The following UHRF2 variants were observed in gnomAD, a reference collection of about 807,000 sequenced individuals.
The protein encoded by UHRF2 is ubiquitin like with PHD and ring finger domains 2.
In UHRF2, 23 loss-of-function variants were observed where a neutral mutation model predicts 96.8. The observed-to-expected ratio is 0.24, with a 90% CI of 0.17 to 0.34. The LOEUF (loss-of-function observed/expected upper bound fraction) is 0.34. Among genes scored for constraint, UHRF2 ranks in the 10% least tolerant of loss-of-function variants. UHRF2 has a pLI of 1.00. For synonymous variants in UHRF2, 385 were observed against 332.6 expected (o/e 1.16, Z -1.72); for missense variants, 685 against 981.5 (o/e 0.70, Z 4.04).
intron 9 of UHRF2, among the ~76,000 whole-genome samples, chr9:6,487,970 G>T (rs1824409769): frequency 2.6e-5 from 4 of 152,086 alleles, no homozygotes; most frequent in Admixed American, 1.3e-4. Context: ...GCCGAATCCA[G>T]TGGCTCATGC....
At chr9:6,497,037 G>T in intron 10 of UHRF2, 161 bp from the exon 11 acceptor site, 1 of 687,682 alleles carries the variant, frequency 1.5e-6, no homozygotes, top group Non-Finnish European at 2.3e-6. Flanking sequence ...CTTCTCTGCT[G>T]GTGGGGGAAA....
intron 3 of UHRF2, among the ~76,000 whole-genome samples, chr9:6,453,140 C>G (rs928173835): frequency 6.6e-6 from 1 of 152,242 alleles, no homozygotes; most frequent in East Asian, 1.9e-4. Flanking sequence ...TAATTCTCTC[C>G]TGAGTTTGTA....
chr9:6,494,197 C>G (rs1824835669), intron 10 of UHRF2: 1 of 330,826 alleles, frequency 3.0e-6, no homozygotes, highest in Admixed American at 4.7e-5. Context: ...GGAAAGGAGC[C>G]TGTGTAATTT....
chr9:6,504,069 A>C (rs1217276261), intron 14 of UHRF2, among the ~76,000 whole-genome samples: 1 of 125,308 alleles, frequency 8.0e-6, no homozygotes, highest in East Asian at 2.4e-4. Flanking sequence ...TCTGTCACCC[A>C]GGCTGGAGTG....
intron 9 of UHRF2, among the ~76,000 whole-genome samples, chr9:6,487,277 C>T (rs1439560181): frequency 7.0e-6 from 1 of 142,844 alleles, no homozygotes; most frequent in African/African-American, 2.6e-5. Flanking sequence ...GCAACCTCTG[C>T]CTTTGGGTTC....
intron 15 of UHRF2, among the ~76,000 whole-genome samples, chr9:6,505,658 C>A (rs200009721): frequency 2.6e-5 from 4 of 152,316 alleles, no homozygotes; most frequent in Non-Finnish European, 4.4e-5. Context: ...ATATAAAATT[C>A]ATTTCTAAGC....
chr9:6,495,879 T>G (rs1279685863), intron 10 of UHRF2: 2 of 152,202 alleles, frequency 1.3e-5, no homozygotes, highest in African/African-American at 2.4e-5. Context: ...CCCTAGCTCT[T>G]TAAGATAAAA....
At chr9:6,468,616 T>A (rs1316175510) in intron 4 of UHRF2, 3 of 455,966 alleles carry the variant, frequency 6.6e-6, no homozygotes, top group Non-Finnish European at 1.3e-5. Context: ...TTTTGGCAGA[T>A]ATTTGGGATG....
chr9:6,441,717 C>A, intron 3 of UHRF2, among the ~76,000 whole-genome samples: 1 of 150,252 alleles, frequency 6.7e-6, no homozygotes. Flanking sequence ...TTTAGTATGT[C>A]TAGGTGGTTT....
chr9:6,455,312 G>A (rs200084549), intron 3 of UHRF2, among the ~76,000 whole-genome samples: 6 of 151,974 alleles, frequency 3.9e-5, no homozygotes, highest in East Asian at 1.9e-4. Context: ...CAACAGGCCC[G>A]GGTGTGCGAT....
intron 3 of UHRF2, 45 bp from the exon 4 acceptor site, chr9:6,460,528 G>A (rs1306899417): frequency 1.8e-5 from 27 of 1,503,780 alleles, no homozygotes; most frequent in Non-Finnish European, 2.3e-5. Context: ...TAAAACTTTA[G>A]TTGTCTTTGG....
Position 6,506,205 on chromosome 9 carries a change from A to C in UHRF2, c.*26A>C, listed in dbSNP as rs1379849617. On this transcript the variant is annotated 3_prime_UTR_variant, in exon 16 of 16. Coordinates refer to ENST00000276893, the MANE Select transcript of UHRF2 (RefSeq NM_152896.3). The stretch of plus-strand genomic sequence containing the variant: ...TCTGCCTGCTTTCACTGTGTTGTTC[A>C]TGGTGGCTTTTTGGACAATAAAGAA... 1.2e-6 allele frequency: 2 copies of C among 1,611,324 alleles called. No individual in the cohort carries two copies. The highest frequency in any genetic ancestry group is 2.2e-5 in the South Asian group (2 of 90,634).
intron 8 of UHRF2, among the ~76,000 whole-genome samples, chr9:6,485,689 G>A (rs1563797626): frequency 6.9e-6 from 1 of 144,506 alleles, no homozygotes; most frequent in African/African-American, 2.6e-5. Context: ...TATTGGCCAG[G>A]CGTGGTGGCT....
intron 3 of UHRF2, among the ~76,000 whole-genome samples, chr9:6,450,011 C>G (rs1201772802): frequency 6.6e-6 from 1 of 152,034 alleles, no homozygotes; most frequent in Non-Finnish European, 1.5e-5. Flanking sequence ...TGTTTTTTGA[C>G]TGTATTAACT....
chr9:6,461,544 T>C (rs978249549), intron 4 of UHRF2, among the ~76,000 whole-genome samples: 5 of 151,632 alleles, frequency 3.3e-5, no homozygotes, highest in East Asian at 1.9e-4. Context: ...ACCTAACTTT[T>C]ATATTTTTAG....
chr9:6,424,442 T>C (rs917308195), intron 2 of UHRF2, among the ~76,000 whole-genome samples: 3 of 152,238 alleles, frequency 2.0e-5, no homozygotes, highest in Admixed American at 2.0e-4. Context: ...TCTGATTTCA[T>C]CCACCTTTTA....
chr9:6,491,303 G>A (rs1156980371), intron 9 of UHRF2, among the ~76,000 whole-genome samples: 1 of 152,156 alleles, frequency 6.6e-6, no homozygotes, highest in Non-Finnish European at 1.5e-5. Context: ...CTGAACCTCT[G>A]CCACATCTGT....
At chr9:6,466,844 C>T (rs904114182) in intron 4 of UHRF2, among the ~76,000 whole-genome samples, 1 of 152,220 alleles carries the variant, frequency 6.6e-6, no homozygotes, top group African/African-American at 2.4e-5. Flanking sequence ...ACTCATTTGA[C>T]TTACTCTGTC....
intron 6 of UHRF2, among the ~76,000 whole-genome samples, chr9:6,478,400 G>A (rs1029538305): frequency 6.6e-6 from 1 of 152,098 alleles, no homozygotes; most frequent in African/African-American, 2.4e-5. Context: ...TCCTTGTTAT[G>A]TTCTATAATA....
Sources: gnomAD v4.1 joint callset for allele counts (sites outside exome capture counted in the v4.1 genomes callset) on GRCh38, gnomAD v4.1.1 for gene constraint, MANE v1.5 for transcripts, NCBI Gene and HGNC (gene_info 2026-07-23, HGNC 2026-07-21) for gene names.